Variants in ABCC3 observed in about 807,000 individuals in gnomAD.
The protein encoded by ABCC3 is ATP binding cassette subfamily C member 3.
A neutral mutation model predicts 165.3 loss-of-function variants in ABCC3; 121 were observed. That is an observed-to-expected ratio of 0.73 (90% CI 0.63 to 0.85). The LOEUF is 0.85. Ranked by LOEUF, ABCC3 falls within the 40% of genes least tolerant of loss-of-function variation. ABCC3 has a pLI of 0.00. For missense variants in ABCC3, 1,869 were observed against 1,964.1 expected, an observed-to-expected ratio of 0.95 and a Z score of 0.92; for synonymous variants, 733 against 810.1, an observed-to-expected ratio of 0.90 and a Z score of 1.62.
chr17:50,667,291 G>A (rs555933964), intron 11 of ABCC3, among the ~76,000 whole-genome samples: 2 of 152,242 alleles, frequency 1.3e-5, no homozygotes, highest in Admixed American at 1.3e-4. Flanking sequence ...ACCCAGGGCA[G>A]GGGACAGAGG....
At position 50,677,880 on chromosome 17, in the gene ABCC3, T is replaced by C; in HGVS notation, c.3515T>C (p.Ile1172Thr). 1 of 1,614,114 alleles carries C rather than the reference T, an allele frequency of 6.2e-7. No individual in the cohort carries two copies. Among genetic ancestry groups the C allele is most frequent in the African/African-American group, 1.3e-5 (1 of 75,000 alleles). Residue 1172 changes from isoleucine (I) to threonine (T), a missense_variant, in exon 24 of 31, where the codon ATC becomes ACC. By Grantham distance (89) the Ile-to-Thr change is moderately conservative. Coordinates refer to ENST00000285238, the MANE Select transcript of ABCC3 (RefSeq NM_003786.4). ...TACAACCGCAGCCGGGATTTTGAGATCATCAGTGATACTAAGGTGGATGCC... is the reference window on the plus strand; with the variant it reads ...TACAACCGCAGCCGGGATTTTGAGACCATCAGTGATACTAAGGTGGATGCC... ...RAYNRSRDFEIISDTKVDANQ... is the reference protein window; with the variant it reads ...RAYNRSRDFETISDTKVDANQ...
chr17:50,672,616 T>G (rs1000778694), intron 17 of ABCC3, among the ~76,000 whole-genome samples: 1 of 152,130 alleles, frequency 6.6e-6, no homozygotes, highest in African/African-American at 2.4e-5. Flanking sequence ...TCCCAGCACT[T>G]TACTTTGGGA....
chr17:50,667,723 C>T lies in ABCC3; in HGVS notation c.1601C>T (p.Thr534Ile), dbSNP rs976097306. ...CGCACGGCGGCCTACCTCCACACCACAACCACCTTCACCTGGATGTGCAGC... is the reference window on the plus strand; with the variant it reads ...CGCACGGCGGCCTACCTCCACACCATAACCACCTTCACCTGGATGTGCAGC... ...LLRTAAYLHT[T>I]TTFTWMCSPF... Residue 534 changes from threonine to isoleucine, a missense_variant, in exon 12 of 31, where the codon ACA (threonine) becomes ATA (isoleucine). Physicochemically the swap from Thr to Ile is moderately conservative, Grantham distance 89 (BLOSUM62 -1). Coordinates refer to ENST00000285238, the MANE Select transcript of ABCC3 (RefSeq NM_003786.4). 1 of 1,614,146 alleles carries T rather than the reference C, an allele frequency of 6.2e-7. No individual in the cohort carries two copies. Among genetic ancestry groups the T allele is most frequent in the Non-Finnish European group, 8.5e-7 (1 of 1,180,048 alleles).
At chr17:50,681,313 C>A (rs911090174) in intron 26 of ABCC3, among the ~76,000 whole-genome samples, 2 of 152,148 alleles carry the variant, frequency 1.3e-5, no homozygotes, top group African/African-American at 2.4e-5. Context: ...AACCTTCCTG[C>A]CTCTCAGTCT....
At chr17:50,662,680 C>T (rs898144989) in intron 8 of ABCC3, among the ~76,000 whole-genome samples, 34 of 150,898 alleles carry the variant, frequency 2.3e-4, no homozygotes, top group Non-Finnish European at 4.7e-4. Flanking sequence ...ACACCAGTCA[C>T]TGGGCTGGGG....
At chr17:50,652,244 C>A (rs1210866630) in intron 1 of ABCC3, among the ~76,000 whole-genome samples, 1 of 152,200 alleles carries the variant, frequency 6.6e-6, no homozygotes, top group Non-Finnish European at 1.5e-5. Flanking sequence ...TTACAGCTTT[C>A]ATTTAAATAT....
At chr17:50,644,101 A>G (rs1966947280) in intron 1 of ABCC3, among the ~76,000 whole-genome samples, 1 of 151,350 alleles carries the variant, frequency 6.6e-6, no homozygotes, top group African/African-American at 2.4e-5. Flanking sequence ...TCACAAGGTC[A>G]GGAGTTCGAG....
intron 13 of ABCC3, 50 bp downstream of exon 13, chr17:50,668,059 G>T (rs1967565303): frequency 2.6e-6 from 4 of 1,546,336 alleles, no homozygotes; most frequent in African/African-American, 1.4e-5. Flanking sequence ...ACAGGTTGTT[G>T]GGGTCAGGGA....
intron 1 of ABCC3, among the ~76,000 whole-genome samples, chr17:50,647,581 C>T (rs1161255837): frequency 2.0e-5 from 3 of 152,168 alleles, no homozygotes; most frequent in Non-Finnish European, 4.4e-5. Context: ...AACTTGGGAG[C>T]TAGGGCCCAT....
At chr17:50,636,519 C>T (rs1461530447) in intron 1 of ABCC3, among the ~76,000 whole-genome samples, 3 of 152,234 alleles carry the variant, frequency 2.0e-5, no homozygotes, top group Non-Finnish European at 4.4e-5. Context: ...ATGGACAGGC[C>T]ACTTGCCACC....
chr17:50,684,988 C>T, intron 29 of ABCC3, 113 bp downstream of exon 29: 1 of 1,194,022 alleles, frequency 8.4e-7, no homozygotes, highest in Non-Finnish European at 1.2e-6. Flanking sequence ...CGGATGTGCA[C>T]AGGGCTGTCC....
chr17:50,672,931 C>G, intron 17 of ABCC3, 40 bp from the exon 18 acceptor site: 1 of 1,598,758 alleles, frequency 6.3e-7, no homozygotes, highest in Non-Finnish European at 8.5e-7. Flanking sequence ...CTCCCTGTGC[C>G]TGTCTGACCC....
In ABCC3 at chr17:50,663,812, C is replaced by A; in HGVS notation, c.1130C>A (p.Thr377Asn). 1 of 1,614,194 alleles carries A rather than the reference C, an allele frequency of 6.2e-7. No homozygotes were observed. The highest frequency in any genetic ancestry group is 8.5e-7 in the Non-Finnish European group (1 of 1,180,038). Residue 377 changes from threonine to asparagine, a missense_variant, in exon 9 of 31, where the codon ACT becomes AAT. Coordinates refer to ENST00000285238, the MANE Select transcript of ABCC3 (RefSeq NM_003786.4). ...CACTATTACCACTACATCTTTGTGA[C>A]TGGGGTGAAGTTTCGTACTGGGATC... Reference protein sequence around the residue: ...LQHYYHYIFVTGVKFRTGIMG... With the variant: ...LQHYYHYIFVNGVKFRTGIMG...
In ABCC3 at chr17:50,667,920, G is replaced by A. The variant is rs757713402; in HGVS notation, c.1693G>A (p.Ala565Thr). Residue 565 changes from alanine (A) to threonine (T), a missense_variant, in exon 13 of 31, where the codon GCC (alanine) becomes ACC (threonine). Physicochemically the swap from Ala to Thr is moderately conservative, Grantham distance 58 (BLOSUM62 0). Transcript: ENST00000285238. ...CGTGGACCCAAACAATGTGCTGGAC[G>A]CCGAGAAGGCCTTTGTGTCTGTGTC... The part of the protein sequence containing the change: ...VYVDPNNVLD[A>T]EKAFVSVSLF... 8.1e-6 allele frequency: 13 copies of A among 1,614,174 alleles called. No homozygotes were observed. The East Asian group carries it at 8.9e-5, about 11-fold the overall frequency.
intron 1 of ABCC3, chr17:50,635,969 C>G (rs979062658): frequency 1.5e-5 from 3 of 195,776 alleles, no homozygotes; most frequent in African/African-American, 6.9e-5. Context: ...GCTCTTCAGC[C>G]TGCTGACTCC....
In ABCC3 at chr17:50,684,039, A is replaced by G. The variant is rs893358698; in HGVS notation, c.4045A>G (p.Ile1349Val). ...ILEAAKGEIR[I>V]DGLNVADIGL... ...GGAGGCGGCAAAGGGTGAAATCCGC[A>G]TTGATGGCCTCAATGTGGCAGACAT... is the stretch of plus-strand genomic sequence containing the variant. Residue 1349 changes from isoleucine to valine, a missense_variant, in exon 28 of 31, where the codon ATT becomes GTT. Transcript: ENST00000285238. 1 of 1,612,584 alleles carries G rather than the reference A, an allele frequency of 6.2e-7. No homozygotes were observed. The highest frequency in any genetic ancestry group is 1.7e-5 in the Admixed American group (1 of 59,550).
At chr17:50,673,211 G>A (rs1240756803) in intron 18 of ABCC3, 73 bp downstream of exon 18, 2 of 1,579,348 alleles carry the variant, frequency 1.3e-6, no homozygotes. Flanking sequence ...GAGAGGCTGA[G>A]GGGTTTGGAT....
chr17:50,681,032 C>A (rs1468504589), intron 26 of ABCC3, among the ~76,000 whole-genome samples: 47 of 151,790 alleles, frequency 3.1e-4, no homozygotes, highest in Non-Finnish European at 4.4e-5. Context: ...GCCGAGATTG[C>A]GCCACTGCAC....
chr17:50,678,505 T>C (rs1567837626), intron 25 of ABCC3, among the ~76,000 whole-genome samples: 1 of 152,082 alleles, frequency 6.6e-6, no homozygotes, highest in Non-Finnish European at 1.5e-5. Flanking sequence ...CCCACATCTC[T>C]CTCCTGCTCA....
Sources: allele counts gnomAD v4.1 joint callset (sites outside exome capture counted in the v4.1 genomes callset), GRCh38; gene constraint gnomAD v4.1.1; transcripts MANE v1.5; gene names NCBI Gene and HGNC (gene_info 2026-07-23, HGNC 2026-07-21).